Variants in NIPAL2 observed in about 807,000 individuals in gnomAD.
NIPAL2 encodes NIPA like domain containing 2, also known as NIPA-like protein 2.
A neutral mutation model predicts 48.9 loss-of-function variants in NIPAL2; 43 were observed. The ratio of observed to expected loss-of-function variants is 0.88; its 90% confidence interval spans 0.69 to 1.13. The LOEUF (loss-of-function observed/expected upper bound fraction) is 1.13, where lower values mean the gene tolerates loss of function less well. NIPAL2 is among the 50% of genes most tolerant of loss of function. NIPAL2 has a pLI of 0.00. For missense variants in NIPAL2, 446 were observed against 461.4 expected (o/e 0.97, Z 0.31); for synonymous variants, 167 against 174.6 (o/e 0.96, Z 0.34).
chr8:98,244,284 GA>G (rs1813150637), intron 3 of NIPAL2, among the ~76,000 whole-genome samples: 1 of 140,478 alleles, frequency 7.1e-6, no homozygotes, highest in Admixed American at 7.2e-5. Flanking sequence ...GTGGTGATGA[GA>G]GGTAGTCTGT....
intron 1 of NIPAL2, among the ~76,000 whole-genome samples, chr8:98,271,581 A>G (rs1371029858): frequency 6.6e-6 from 1 of 152,104 alleles, no homozygotes; most frequent in Non-Finnish European, 1.5e-5. Flanking sequence ...TATCAGGTCA[A>G]GGAGCCTTTT....
chr8:98,194,262 G>A (rs774495294), intron 10 of NIPAL2, among the ~76,000 whole-genome samples: 6 of 151,022 alleles, frequency 4.0e-5, no homozygotes, highest in East Asian at 2.0e-4. Context: ...CTGGGTAGGC[G>A]GGGTGAGGAA....
chr8:98,236,898 G>A (rs1247903197), intron 3 of NIPAL2, among the ~76,000 whole-genome samples: 1 of 142,668 alleles, frequency 7.0e-6, no homozygotes, highest in East Asian at 2.1e-4. Context: ...CTTTAAATAT[G>A]TGCTAAACTG....
At chr8:98,266,207 C>T (rs1227616563) in intron 1 of NIPAL2, among the ~76,000 whole-genome samples, 1 of 149,318 alleles carries the variant, frequency 6.7e-6, no homozygotes, top group Admixed American at 6.7e-5. Flanking sequence ...GGGTGCAGTG[C>T]ACCAGCATGG....
intron 1 of NIPAL2, among the ~76,000 whole-genome samples, chr8:98,258,967 G>A (rs1046521708): frequency 2.0e-5 from 3 of 150,262 alleles, no homozygotes; most frequent in African/African-American, 7.4e-5. Context: ...GCAGGATTTG[G>A]CAATAATTTC....
intron 5 of NIPAL2, among the ~76,000 whole-genome samples, chr8:98,215,967 A>T (rs1050984039): frequency 6.6e-6 from 1 of 152,210 alleles, no homozygotes; most frequent in Non-Finnish European, 1.5e-5. Flanking sequence ...GTGTGGCAAA[A>T]GAGATAGACA....
At position 98,190,098 on chromosome 8, in the gene NIPAL2, A is replaced by C. The variant is rs1810241844; in HGVS notation, c.*2880T>G. On this transcript the variant is annotated 3_prime_UTR_variant, in exon 11 of 11. Coordinates refer to ENST00000430223, the MANE Select transcript of NIPAL2 (RefSeq NM_001321635.2). ...CTTGGACCCTAAGAATGAACTTATC[A>C]CTTCCATTTAGAACTTATATAAGCA... 1 of 152,190 alleles carries C rather than the reference A, an allele frequency of 6.6e-6. No individual in the cohort carries two copies. Among genetic ancestry groups the C allele is most frequent in the Admixed American group, 6.5e-5 (1 of 15,278 alleles). The allele number at this position is 152,190 out of a possible 1,614,324, so 9.4% of individuals were successfully genotyped here.
rs368470304 is a variant in NIPAL2 at position 98,195,907 on chromosome 8, A to G, written c.944+35T>C. Reference sequence around the variant, plus strand: ...GAAAATCCTACGTAAAAGTAATAGAATTTCACATGCTTTACCTCTGAGACA... The same window carrying G: ...GAAAATCCTACGTAAAAGTAATAGAGTTTCACATGCTTTACCTCTGAGACA... On this transcript the variant is annotated intron_variant, in intron 9 of 10. Transcript: ENST00000430223. 3.2e-5 allele frequency: 46 copies of G among 1,448,124 alleles called. No homozygotes were observed. In the Middle Eastern group the frequency reaches 5.4e-4, roughly 17 times the overall value. 89.7% of individuals were successfully genotyped at this position (1,448,124 alleles called of 1,614,324 possible).
At position 98,251,190 on chromosome 8, in the gene NIPAL2, C is replaced by T. The variant is rs78500652; in HGVS notation, c.376+1273G>A. ...TTTTTCTCTGGCTATTTCATGGAAA[C>T]GGCATAAAGTAAGGAAAAAAACTAA... On this transcript the variant is annotated intron_variant, in intron 3 of 10. Transcript: ENST00000430223. Among the ~76,000 whole-genome samples, 487 of 151,708 alleles carry T rather than the reference C, an allele frequency of 3.2e-3. 1 individual carries two copies. Among genetic ancestry groups the T allele is most frequent in the African/African-American group, 0.011 (451 of 41,332 alleles).
chr8:98,252,723 T>C (rs2130830093), intron 2 of NIPAL2, 89 bp from the exon 3 acceptor site: 2 of 1,082,630 alleles, frequency 1.8e-6, no homozygotes, highest in East Asian at 5.7e-5. Context: ...TTAATTCTTT[T>C]TATAAGAACG....
intron 1 of NIPAL2, among the ~76,000 whole-genome samples, chr8:98,276,242 C>T (rs1286147269): frequency 6.6e-6 from 1 of 152,162 alleles, no homozygotes; most frequent in Non-Finnish European, 1.5e-5. Context: ...CTGTGCTTGC[C>T]TATTCATCCC....
chr8:98,237,512 C>T (rs2443565), intron 3 of NIPAL2, among the ~76,000 whole-genome samples: 9,091 of 152,018 alleles, frequency 0.06, 375 homozygotes, highest in Middle Eastern at 0.14. Context: ...AGAGTAATCG[C>T]TCTAAAATGC....
In NIPAL2 at chr8:98,254,049, G is replaced by GT. The variant is rs760155996; in HGVS notation, c.173dup (p.Asn58LysfsTer70). ...TATTTAGAGAAATACTGATCACCAA[G>GT]TTTCCTAAAATAGCCAGCAAAACTC... is the stretch of plus-strand genomic sequence containing the variant. On this transcript the variant is annotated frameshift_variant, in exon 2 of 11. Transcript: ENST00000430223. LOFTEE classifies it high-confidence loss of function. The GT allele has an allele frequency of 1.5e-5, 24 of 1,610,868 alleles. No individual in the cohort carries two copies. The African/African-American group carries it at 2.9e-4, about 20-fold the overall frequency.
At chr8:98,271,466 A>G (rs941380637) in intron 1 of NIPAL2, among the ~76,000 whole-genome samples, 5 of 152,034 alleles carry the variant, frequency 3.3e-5, no homozygotes, top group Admixed American at 6.6e-5. Flanking sequence ...GTTATTGTAA[A>G]TGAGATTGTG....
At chr8:98,293,896 G>T in intron 1 of NIPAL2, 107 bp downstream of exon 1, 2 of 1,071,444 alleles carry the variant, frequency 1.9e-6, no homozygotes, top group Non-Finnish European at 2.5e-6. Context: ...GAGGCCGGGT[G>T]TCTTCCTGAG....
At chr8:98,224,355 A>G (rs1386828300) in intron 4 of NIPAL2, among the ~76,000 whole-genome samples, 3 of 152,034 alleles carry the variant, frequency 2.0e-5, no homozygotes, top group Non-Finnish European at 4.4e-5. Flanking sequence ...TACATAAATA[A>G]TTGCGTATTA....
intron 1 of NIPAL2, among the ~76,000 whole-genome samples, chr8:98,271,130 G>A (rs1815099204): frequency 6.6e-6 from 1 of 152,122 alleles, no homozygotes; most frequent in Non-Finnish European, 1.5e-5. Flanking sequence ...TGGGTAAGGT[G>A]ATGCTTCTGG....
At chr8:98,258,459 T>TC (rs2079272431) in intron 1 of NIPAL2, among the ~76,000 whole-genome samples, 1 of 152,130 alleles carries the variant, frequency 6.6e-6, no homozygotes, top group African/African-American at 2.4e-5. Flanking sequence ...AAGGAAAAAC[T>TC]CACCTGCTGC....
chr8:98,241,448 C>T (rs1812977069), intron 3 of NIPAL2, among the ~76,000 whole-genome samples: 1 of 152,166 alleles, frequency 6.6e-6, no homozygotes, highest in South Asian at 2.1e-4. Flanking sequence ...TTGATAGAAA[C>T]TTTCTGATGA....
Sources: allele counts gnomAD v4.1 joint callset (sites outside exome capture counted in the v4.1 genomes callset), GRCh38; gene constraint gnomAD v4.1.1; transcripts MANE v1.5; gene names NCBI Gene and HGNC (gene_info 2026-07-23, HGNC 2026-07-21).